SS18L1: variants seen among roughly 807,000 people sequenced by gnomAD.
The protein encoded by SS18L1 is SS18L1 subunit of BAF chromatin remodeling complex.
In SS18L1, 32 loss-of-function variants were observed where a neutral mutation model predicts 70.3. That is an observed-to-expected ratio of 0.46 (90% CI 0.34 to 0.61). SS18L1 has a LOEUF of 0.61. Among genes scored for constraint, SS18L1 ranks in the 20% least tolerant of loss-of-function variants. SS18L1 has a pLI of 0.01. For missense variants in SS18L1, 430 were observed against 542.1 expected (o/e 0.79, Z 2.05); for synonymous variants, 237 against 229.7 (o/e 1.03, Z -0.29).
At chr20:62,167,421 C>T (rs889317430) in intron 8 of SS18L1, among the ~76,000 whole-genome samples, 7 of 148,740 alleles carry the variant, frequency 4.7e-5, no homozygotes, top group East Asian at 2.1e-4. Flanking sequence ...AAATGCCGGG[C>T]GTGGTGGCGG....
chr20:62,153,022 A>G (rs2057161538), intron 1 of SS18L1, among the ~76,000 whole-genome samples: 2 of 152,162 alleles, frequency 1.3e-5, no homozygotes, highest in African/African-American at 2.4e-5. Flanking sequence ...GGTAATTTAT[A>G]AAGGAAAGAG....
Position 62,164,185 on chromosome 20 carries a change from C to T in SS18L1, c.762C>T (p.Gly254=), listed in dbSNP as rs771965936. 1.0e-5 allele frequency: 16 copies of T among 1,550,140 alleles called. No individual in the cohort carries two copies. The highest frequency in any genetic ancestry group is 1.7e-4 in the Middle Eastern group (1 of 5,904). ...ACCTGGGCCAGGAGGAGTACTATGG[C>T]GAGCAGTACAGCCACAGCCAGGGCG... ...QQYLGQEEYY[G]EQYSHSQGAA... is the part of the protein sequence containing the mutation. Residue 254 remains glycine (G), a synonymous_variant, in exon 7 of 11, where the codon GGC becomes GGT. Coordinates refer to ENST00000331758, the MANE Select transcript of SS18L1 (RefSeq NM_198935.3).
intron 8 of SS18L1, among the ~76,000 whole-genome samples, chr20:62,167,883 G>A (rs944976611): frequency 4.0e-5 from 6 of 150,872 alleles, no homozygotes; most frequent in South Asian, 4.2e-4. Flanking sequence ...TGGCCTGATC[G>A]TGGCACACTG....
Position 62,150,338 on chromosome 20 carries a change from C to T in SS18L1, c.69+6449C>T, listed in dbSNP as rs187749053. ...GAGGGAAGGACTGCTGATGGGTCAG[C>T]GATGTCTGCCCCGAGAACAGGAGTG... On this transcript the variant is annotated intron_variant, in intron 1 of 10. Coordinates refer to ENST00000331758, the MANE Select transcript of SS18L1 (RefSeq NM_198935.3). Among the ~76,000 whole-genome samples the T allele has an allele frequency of 2.9e-3, 436 of 152,320 alleles. 3 individuals carry two copies. The highest frequency in any genetic ancestry group is 9.9e-3 in the African/African-American group (411 of 41,568).
At chr20:62,178,496 G>A (rs1281930455) in intron 10 of SS18L1, among the ~76,000 whole-genome samples, 2 of 151,836 alleles carry the variant, frequency 1.3e-5, no homozygotes, top group Admixed American at 1.3e-4. Context: ...GGGTCTTGCT[G>A]TACTGCCCAG....
intron 3 of SS18L1, among the ~76,000 whole-genome samples, chr20:62,160,377 AGAGG>A (rs2057306152): frequency 1.4e-4 from 1 of 7,288 alleles, no homozygotes; most frequent in African/African-American, 4.9e-4. Context: ...AGAGGTGGGG[AGAGG>A]TGGGGTGGGG....
intron 7 of SS18L1, 117 bp from the exon 8 acceptor site, chr20:62,165,305 G>GACTCTT: frequency 2.0e-6 from 2 of 977,104 alleles, no homozygotes; most frequent in South Asian, 3.1e-5. Context: ...GGGTCCTGCC[G>GACTCTT]GCTCTTGTTG....
At chr20:62,167,415 G>T (rs1357412018) in intron 8 of SS18L1, among the ~76,000 whole-genome samples, 2 of 148,190 alleles carry the variant, frequency 1.3e-5, no homozygotes, top group Non-Finnish European at 3.0e-5. Context: ...AAAAAAAAAT[G>T]CCGGGCGTGG....
chr20:62,162,956 C>T (rs773799758), intron 5 of SS18L1, 25 bp downstream of exon 5: 26 of 1,608,542 alleles, frequency 1.6e-5, no homozygotes, highest in East Asian at 4.5e-5. Context: ...TCTGCAACCC[C>T]GGGGGGCCTG....
chr20:62,174,536 G>T lies in SS18L1; in HGVS notation c.1056G>T (p.Pro352=). The change falls in exon 10 of 11, where the codon CCG becomes CCT. Residue 352 remains proline (P), a synonymous_variant. Transcript: ENST00000331758. This position sits in a 1 kb window ranked among gnomAD's most constrained non-coding sequence, Gnocchi z 4.1. The part of the protein sequence containing the change: ...QQGYGSAQGA[P]SQYPGYQQGQ... ...TCTCAGGGTCTGCCCAGGGAGCCCC[G>T]TCACAGTACCCCGGCTACCAGCAAG... 1.2e-6 allele frequency: 2 copies of T among 1,614,040 alleles called. No individual in the cohort carries two copies. The highest frequency in any genetic ancestry group is 1.7e-6 in the Non-Finnish European group (2 of 1,180,026).
rs2057580032 is a variant in SS18L1 at position 62,174,193 on chromosome 20, C to T, written c.1037-324C>T. ...GGGCCAGCGGGTTCTGGAGGGCTGT[C>T]CTGCCTTCAGGTAGCAGCAGTTCTG... On this transcript the variant is annotated intron_variant, in intron 9 of 10. Transcript: ENST00000331758. This position sits in a 1 kb window ranked among gnomAD's most constrained non-coding sequence, Gnocchi z 4.1. 1.3e-5 allele frequency among the ~76,000 whole-genome samples: 2 copies of T among 152,002 alleles called. 1 individual carries two copies. The highest frequency in any genetic ancestry group is 4.1e-4 in the South Asian group (2 of 4,822).
At chr20:62,170,549 G>A (rs2057512460) in intron 8 of SS18L1, among the ~76,000 whole-genome samples, 1 of 152,218 alleles carries the variant, frequency 6.6e-6, no homozygotes, top group African/African-American at 2.4e-5. Context: ...GGTTGTGGAG[G>A]AAGGCCCCAC....
In SS18L1 at chr20:62,181,360, A is replaced by G. The variant is rs1167087809; in HGVS notation, c.*2152A>G. Reference sequence around the variant, plus strand: ...TTTCCTGTCAATTTTCATAGACCTAATTTGCAAACTCAATCGGGGACTAAA... The same window carrying G: ...TTTCCTGTCAATTTTCATAGACCTAGTTTGCAAACTCAATCGGGGACTAAA... On this transcript the variant is annotated 3_prime_UTR_variant, in exon 11 of 11. Transcript: ENST00000331758. 1 of 207,852 alleles carries G rather than the reference A, an allele frequency of 4.8e-6. No individual in the cohort carries two copies. The highest frequency in any genetic ancestry group is 9.8e-6 in the Non-Finnish European group (1 of 101,818). 12.9% of individuals were successfully genotyped at this position (207,852 alleles called of 1,614,324 possible).
At chr20:62,175,940 G>A (rs542160692) in intron 10 of SS18L1, among the ~76,000 whole-genome samples, 4 of 152,242 alleles carry the variant, frequency 2.6e-5, no homozygotes, top group Non-Finnish European at 5.9e-5. Flanking sequence ...CACTGTAGCC[G>A]ACGCAGGGGC....
At chr20:62,145,829 C>G (rs1034062979) in intron 1 of SS18L1, among the ~76,000 whole-genome samples, 1 of 152,106 alleles carries the variant, frequency 6.6e-6, no homozygotes, top group African/African-American at 2.4e-5. Context: ...TGTGAGAAGG[C>G]TGAGAAAGGT....
At chr20:62,177,234 C>T (rs959870840) in intron 10 of SS18L1, among the ~76,000 whole-genome samples, 8 of 151,506 alleles carry the variant, frequency 5.3e-5, no homozygotes, top group Non-Finnish European at 8.8e-5. Context: ...GCTGAGATCG[C>T]GCCATTGTAT....
chr20:62,160,955 G>A (rs1035776348), intron 3 of SS18L1, among the ~76,000 whole-genome samples: 5 of 152,010 alleles, frequency 3.3e-5, no homozygotes, highest in South Asian at 2.1e-4. Flanking sequence ...GGTGTGATCC[G>A]AGGCGGGTGT....
Position 62,159,619 on chromosome 20 carries a change from CTTAGAGTCT to C in SS18L1, c.147-255_147-247del. On this transcript the variant is annotated intron_variant, in intron 2 of 10. Coordinates refer to ENST00000331758, the MANE Select transcript of SS18L1 (RefSeq NM_198935.3). This position sits in a 1 kb window ranked among gnomAD's most constrained non-coding sequence, Gnocchi z 4.4. ...ATGCCAGCTTCCGCTTAGCTGTTAC[CTTAGAGTCT>C]TTCCAGAGTTTTTGTCATGGGTTGG... Among the ~76,000 whole-genome samples the C allele has an allele frequency of 6.6e-6, 1 of 152,236 alleles. No homozygotes were observed. Among genetic ancestry groups the C allele is most frequent in the African/African-American group, 2.4e-5 (1 of 41,544 alleles).
chr20:62,178,567 T>C (rs2057661277), intron 10 of SS18L1, among the ~76,000 whole-genome samples: 1 of 152,062 alleles, frequency 6.6e-6, no homozygotes, highest in South Asian at 2.1e-4. Context: ...AATTCAGATT[T>C]GTTTTTGAAA....
Sources: gnomAD v4.1 joint callset for allele counts (sites outside exome capture counted in the v4.1 genomes callset) on GRCh38, gnomAD v4.1.1 for gene constraint, Gnocchi (gnomAD v3.1) non-coding constraint, MANE v1.5 for transcripts, NCBI Gene and HGNC (gene_info 2026-07-23, HGNC 2026-07-21) for gene names.